The following RAD18 variants were observed in gnomAD, a reference collection of about 807,000 sequenced individuals.
RAD18 encodes E3 ubiquitin-protein ligase RAD18.
RAD18 carries 47 observed loss-of-function variants against 60.4 expected under a neutral mutation model. That is an observed-to-expected ratio of 0.78 (90% CI 0.62 to 0.99). The LOEUF (loss-of-function observed/expected upper bound fraction) is 0.99. Among genes scored for constraint, RAD18 ranks in the 50% least tolerant of loss-of-function variants. The probability of loss-of-function intolerance (pLI) is 0.00; values close to 1 mark genes in which losing one functional copy is unlikely to be tolerated. For missense variants in RAD18, 640 were observed against 593.3 expected, an observed-to-expected ratio of 1.08 and a Z score of -0.82; for synonymous variants, 225 against 195.5, an observed-to-expected ratio of 1.15 and a Z score of -1.26.
rs549345990 is a variant in RAD18 at position 8,897,883 on chromosome 3, C to T, written c.1322+1011G>A. On this transcript the variant is annotated intron_variant, in intron 11 of 12. Transcript: ENST00000264926. Reference sequence around the variant, plus strand: ...GAGTTTGAGACCAGCCTGGCCAACACGGTGAAACCCTGTCTCTACTAAATG... The same window carrying T: ...GAGTTTGAGACCAGCCTGGCCAACATGGTGAAACCCTGTCTCTACTAAATG... Among the ~76,000 whole-genome samples, 6 of 151,512 alleles carry T rather than the reference C, an allele frequency of 4.0e-5. No homozygotes were observed. In the East Asian group the frequency reaches 5.8e-4, roughly 15 times the overall value.
intron 6 of RAD18, among the ~76,000 whole-genome samples, chr3:8,936,372 G>A (rs1940653571): frequency 6.6e-6 from 1 of 152,140 alleles, no homozygotes; most frequent in African/African-American, 2.4e-5. Flanking sequence ...TATGCTGTGA[G>A]GACTTCACTT....
Position 8,948,519 on chromosome 3 carries a change from G to C in RAD18, c.185C>G (p.Thr62Ser). ...GAAACAAAAACTCACCACACAGCAA[G>C]TTGGACACTGAGTTTTATAGGACAG... ...KFLSYKTQCP[T>S]CCVTVTEPDL... Residue 62 changes from threonine to serine, a missense_variant, in exon 3 of 13, where the codon ACT becomes AGT. Transcript: ENST00000264926. 6.2e-7 allele frequency: 1 copy of C among 1,612,456 alleles called. No individual in the cohort carries two copies. The highest frequency in any genetic ancestry group is 8.5e-7 in the Non-Finnish European group (1 of 1,178,888).
rs1423681258 is a variant in RAD18 at position 8,940,258 on chromosome 3, T to C, written c.605-605A>G. ...GGGGCCTACAGACCACCATGGATAA[T>C]AGGCAGAAGGAGGTCAGGTGGAACA... On this transcript the variant is annotated intron_variant, in intron 5 of 12. Coordinates refer to ENST00000264926, the MANE Select transcript of RAD18 (RefSeq NM_020165.4). Among the ~76,000 whole-genome samples, 5 of 152,126 alleles carry C rather than the reference T, an allele frequency of 3.3e-5. 1 individual carries two copies. Among genetic ancestry groups the C allele is most frequent in the Admixed American group, 1.3e-4 (2 of 15,262 alleles).
chr3:8,911,208 T>G (rs1156694109), intron 9 of RAD18, among the ~76,000 whole-genome samples: 1 of 152,242 alleles, frequency 6.6e-6, no homozygotes, highest in Non-Finnish European at 1.5e-5. Context: ...GTTACACTTT[T>G]TAGATATCTA....
chr3:8,922,403 A>T (rs2125059441), intron 7 of RAD18, among the ~76,000 whole-genome samples: 1 of 152,344 alleles, frequency 6.6e-6, no homozygotes, highest in Non-Finnish European at 1.5e-5. Context: ...GGTGCCTGCC[A>T]TTGCTGGAGG....
intron 12 of RAD18, among the ~76,000 whole-genome samples, chr3:8,882,919 C>T (rs1168033502): frequency 1.3e-5 from 2 of 152,214 alleles, no homozygotes; most frequent in African/African-American, 4.8e-5. Flanking sequence ...CCCTATGGTC[C>T]TTCACTGCAT....
intron 9 of RAD18, among the ~76,000 whole-genome samples, chr3:8,908,438 T>C (rs970406658): frequency 3.3e-5 from 5 of 151,838 alleles, no homozygotes; most frequent in Admixed American, 2.6e-4. Flanking sequence ...AGAGACAACA[T>C]AGAGGGAAGA....
At chr3:8,925,634 C>G (rs182019639) in intron 7 of RAD18, among the ~76,000 whole-genome samples, 2 of 152,270 alleles carry the variant, frequency 1.3e-5, no homozygotes, top group African/African-American at 4.8e-5. Context: ...ACCAATACCC[C>G]TGATGAACAT....
chr3:8,958,451 C>T (rs1034376572), intron 2 of RAD18, among the ~76,000 whole-genome samples: 1 of 152,160 alleles, frequency 6.6e-6, no homozygotes, highest in Non-Finnish European at 1.5e-5. Flanking sequence ...GTCTTTCCAG[C>T]GTCACATAGC....
intron 9 of RAD18, among the ~76,000 whole-genome samples, chr3:8,907,388 C>T (rs1559767362): frequency 6.6e-6 from 1 of 152,102 alleles, no homozygotes; most frequent in Non-Finnish European, 1.5e-5. Context: ...ACAGATATGA[C>T]CCACATAAAC....
intron 6 of RAD18, among the ~76,000 whole-genome samples, chr3:8,936,808 C>G (rs1053261164): frequency 6.6e-6 from 1 of 152,154 alleles, no homozygotes; most frequent in Non-Finnish European, 1.5e-5. Flanking sequence ...TTCTCCATCC[C>G]CTTCTCCACA....
chr3:8,921,194 G>C (rs1940313495), intron 7 of RAD18, among the ~76,000 whole-genome samples: 1 of 152,138 alleles, frequency 6.6e-6, no homozygotes, highest in Admixed American at 6.5e-5. Flanking sequence ...GCTAACAATA[G>C]GTGGATCTGT....
chr3:8,880,558 G>A lies in RAD18; in HGVS notation c.*799C>T, dbSNP rs530531256. Reference sequence around the variant, plus strand: ...AGGATACTGTTTTAAGAACATTATTGTAAACTGATACTCTCTATTCATTTA... The same window carrying A: ...AGGATACTGTTTTAAGAACATTATTATAAACTGATACTCTCTATTCATTTA... On this transcript the variant is annotated 3_prime_UTR_variant, in exon 13 of 13. Coordinates refer to ENST00000264926, the MANE Select transcript of RAD18 (RefSeq NM_020165.4). 56 of 152,262 alleles carry A rather than the reference G, an allele frequency of 3.7e-4. No homozygotes were observed. Among genetic ancestry groups the A allele is most frequent in the African/African-American group, 1.2e-3 (51 of 41,546 alleles). 9.4% of individuals were successfully genotyped at this position (152,262 alleles called of 1,614,324 possible).
At chr3:8,934,554 G>C (rs1286148406) in intron 7 of RAD18, among the ~76,000 whole-genome samples, 4 of 152,234 alleles carry the variant, frequency 2.6e-5, no homozygotes, top group Non-Finnish European at 4.4e-5. Context: ...GGACCCACTA[G>C]AATGGCTAAA....
At chr3:8,961,405 C>A (rs555796238) in intron 1 of RAD18, among the ~76,000 whole-genome samples, 37 of 152,230 alleles carry the variant, frequency 2.4e-4, no homozygotes, top group Admixed American at 1.4e-3. Flanking sequence ...GGTTACAGAT[C>A]CCTTTGAAAA....
intron 1 of RAD18, 127 bp from the exon 2 acceptor site, chr3:8,959,128 T>C (rs1294878590): frequency 1.4e-6 from 1 of 724,026 alleles, no homozygotes; most frequent in African/African-American, 1.8e-5. Context: ...ATTCAAAAGC[T>C]AACTCCAGAT....
intron 4 of RAD18, among the ~76,000 whole-genome samples, chr3:8,943,968 T>C (rs1383796346): frequency 2.0e-5 from 3 of 151,952 alleles, no homozygotes; most frequent in Non-Finnish European, 2.9e-5. Context: ...TAACAGATAC[T>C]AGTGAAATAG....
intron 7 of RAD18, among the ~76,000 whole-genome samples, chr3:8,927,231 C>T (rs1940457760): frequency 6.6e-6 from 1 of 152,140 alleles, no homozygotes; most frequent in African/African-American, 2.4e-5. Flanking sequence ...CAAACAAACC[C>T]ATCAAAAAGT....
intron 12 of RAD18, among the ~76,000 whole-genome samples, chr3:8,881,719 T>C (rs1575528875): frequency 6.6e-6 from 1 of 152,348 alleles, no homozygotes; most frequent in East Asian, 1.9e-4. Context: ...GTTTAGCATG[T>C]AGAGGGCTGG....
Sources: allele counts gnomAD v4.1 joint callset (sites outside exome capture counted in the v4.1 genomes callset), GRCh38; gene constraint gnomAD v4.1.1; transcripts MANE v1.5; gene names NCBI Gene and HGNC (gene_info 2026-07-23, HGNC 2026-07-21).